Variants in FRAS1 observed in about 807,000 individuals in gnomAD.
FRAS1 encodes extracellular matrix organizing protein FRAS1.
A neutral mutation model predicts 435.2 loss-of-function variants in FRAS1; 290 were observed. The ratio of observed to expected loss-of-function variants is 0.67; its 90% confidence interval spans 0.61 to 0.73. The LOEUF (loss-of-function observed/expected upper bound fraction) is 0.73. FRAS1 is among the 30% of genes least tolerant of loss of function. The pLI is 0.00. For synonymous variants in FRAS1, 1,800 were observed against 1,851.0 expected (o/e 0.97, Z 0.71); for missense variants, 4,860 against 5,001.5 (o/e 0.97, Z 0.85).
chr4:78,071,986 T>C (rs1740375730), intron 2 of FRAS1: 1 of 152,056 alleles, frequency 6.6e-6, no homozygotes, highest in Non-Finnish European at 1.5e-5. Context: ...TCAACACAGT[T>C]ACAACACTAC....
Position 78,333,354 on chromosome 4 carries a change from T to A in FRAS1, c.2220T>A (p.Asp740Glu). ...TDCGPSHVLL[D>E]GQCLSQCPDG... Reference sequence around the variant, plus strand: ...GTGGGCCTTCCCATGTGCTGTTGGATGGGCAGTGCCTCTCCCAGTGCCCAG... The same window carrying A: ...GTGGGCCTTCCCATGTGCTGTTGGAAGGGCAGTGCCTCTCCCAGTGCCCAG... Residue 740 changes from aspartate to glutamate, a missense_variant, in exon 19 of 74, where the codon GAT (aspartate) becomes GAA (glutamate). Coordinates refer to ENST00000512123, the MANE Select transcript of FRAS1 (RefSeq NM_025074.7). The A allele has an allele frequency of 6.2e-7, 1 of 1,612,428 alleles. No homozygotes were observed. The highest frequency in any genetic ancestry group is 1.1e-5 in the South Asian group (1 of 90,436).
intron 70 of FRAS1, among the ~76,000 whole-genome samples, chr4:78,530,425 G>T (rs1721675225): frequency 6.6e-6 from 1 of 151,986 alleles, no homozygotes; most frequent in African/African-American, 2.4e-5. Flanking sequence ...ACTCCCCCAG[G>T]CTTAACCTTG....
chr4:78,319,712 T>G, intron 18 of FRAS1: 1 of 226,806 alleles, frequency 4.4e-6, no homozygotes, highest in Non-Finnish European at 9.0e-6. Flanking sequence ...TTCATATTCA[T>G]AGCTTTGTGT....
At chr4:78,066,253 G>A (rs916538016) in intron 2 of FRAS1, among the ~76,000 whole-genome samples, 1 of 152,136 alleles carries the variant, frequency 6.6e-6, no homozygotes, top group Non-Finnish European at 1.5e-5. Flanking sequence ...CTCAACACAC[G>A]ATTTACATTC....
chr4:78,384,024 G>A, intron 27 of FRAS1, 35 bp from the exon 28 acceptor site: 3 of 1,453,342 alleles, frequency 2.1e-6, no homozygotes, highest in Middle Eastern at 1.7e-4. Flanking sequence ...TGTAATGATT[G>A]TATTTTCTTA....
chr4:78,405,136 A>G (rs1733050702), intron 30 of FRAS1, among the ~76,000 whole-genome samples: 1 of 152,230 alleles, frequency 6.6e-6, no homozygotes, highest in Non-Finnish European at 1.5e-5. Context: ...AATCTGTATG[A>G]CATGAAAGTG....
chr4:78,444,318 C>G (rs1718707843), intron 41 of FRAS1: 1 of 231,412 alleles, frequency 4.3e-6, no homozygotes, highest in African/African-American at 2.4e-5. Context: ...GCTTAGACCT[C>G]TCTCAGCTTC....
At chr4:78,279,799 A>G (rs777982805) in intron 10 of FRAS1, among the ~76,000 whole-genome samples, 1 of 152,232 alleles carries the variant, frequency 6.6e-6, no homozygotes, top group Non-Finnish European at 1.5e-5. Flanking sequence ...CATAAAAACA[A>G]CTGCTTCTTT....
At chr4:78,058,298 C>T (rs1739574958) in intron 1 of FRAS1, among the ~76,000 whole-genome samples, 1 of 152,022 alleles carries the variant, frequency 6.6e-6, no homozygotes, top group Non-Finnish European at 1.5e-5. Context: ...GATTACACCC[C>T]CGAAACGGCC....
At chr4:78,214,600 C>T (rs994126415) in intron 2 of FRAS1, among the ~76,000 whole-genome samples, 2 of 152,220 alleles carry the variant, frequency 1.3e-5, no homozygotes, top group Non-Finnish European at 1.5e-5. Flanking sequence ...GGGTACCTCT[C>T]AGATTTATTG....
intron 2 of FRAS1, among the ~76,000 whole-genome samples, chr4:78,138,107 G>A (rs1237039161): frequency 3.3e-5 from 5 of 152,212 alleles, no homozygotes; most frequent in South Asian, 2.1e-4. Context: ...GTTTCAGGCC[G>A]AAGGGTGGGT....
chr4:78,466,294 C>T lies in FRAS1; in HGVS notation c.7116C>T (p.Thr2372=). 1 of 1,613,898 alleles carries T rather than the reference C, an allele frequency of 6.2e-7. No homozygotes were observed. The highest frequency in any genetic ancestry group is 8.5e-7 in the Non-Finnish European group (1 of 1,179,816). ...GCAATGGGCAGCATTTCCACCTCAC[C>T]TCCACCTTCACCATGAAAGATATCT... The part of the protein sequence containing the change: ...RTSNGQHFHL[T]STFTMKDIYQ... The change falls in exon 50 of 74, where the codon ACC becomes ACT. Residue 2372 remains threonine, a synonymous_variant. Coordinates refer to ENST00000512123, the MANE Select transcript of FRAS1 (RefSeq NM_025074.7).
chr4:78,370,107 A>G, intron 23 of FRAS1, 123 bp downstream of exon 23: 1 of 848,916 alleles, frequency 1.2e-6, no homozygotes, highest in Non-Finnish European at 1.8e-6. Flanking sequence ...CTCTGATGAT[A>G]GCAACAATTG....
chr4:78,462,208 C>T (rs1259224239), intron 47 of FRAS1, among the ~76,000 whole-genome samples: 1 of 152,116 alleles, frequency 6.6e-6, no homozygotes, highest in African/African-American at 2.4e-5. Flanking sequence ...AACCCAGTCT[C>T]TACTAAAAAT....
Position 78,333,266 on chromosome 4 carries a change from C to A in FRAS1, c.2138-6C>A. 1 of 1,599,680 alleles carries A rather than the reference C, an allele frequency of 6.3e-7. No individual in the cohort carries two copies. The highest frequency in any genetic ancestry group is 1.1e-5 in the South Asian group (1 of 88,258). ...GATTGTCTCCTTTGCTTTATCTTTC[C>A]CCCAGCTTGCCACCAGTCCTGTTTC... On this transcript the variant is annotated splice_region_variant and splice_polypyrimidine_tract_variant and intron_variant, in intron 18 of 73. Coordinates refer to ENST00000512123, the MANE Select transcript of FRAS1 (RefSeq NM_025074.7).
At chr4:78,377,972 G>C (rs896594147) in intron 26 of FRAS1, among the ~76,000 whole-genome samples, 4 of 152,028 alleles carry the variant, frequency 2.6e-5, no homozygotes, top group African/African-American at 4.8e-5. Flanking sequence ...CAATTCAGTG[G>C]TTTTTAGTGT....
intron 2 of FRAS1, among the ~76,000 whole-genome samples, chr4:78,207,085 G>A (rs1165805214): frequency 6.6e-6 from 1 of 152,242 alleles, no homozygotes. Flanking sequence ...AAGGACTGCA[G>A]TGAATACTGT....
In FRAS1 at chr4:78,534,290, C is replaced by T. The variant is rs1445568772; in HGVS notation, c.10926-159C>T. Among the ~76,000 whole-genome samples the T allele has an allele frequency of 3.3e-5, 5 of 152,120 alleles. No individual in the cohort carries two copies. In the South Asian group the frequency reaches 1.0e-3, roughly 32 times the overall value. ...AAAAGAAATAACTACCAAATAAAGT[C>T]CTTTTACCTTACACATCCCTTTATT... is the stretch of plus-strand genomic sequence containing the variant. On this transcript the variant is annotated intron_variant, in intron 70 of 73. Transcript: ENST00000512123.
In FRAS1 at chr4:78,491,676, A is replaced by G. The variant is rs192878360; in HGVS notation, c.8958+2596A>G. Among the ~76,000 whole-genome samples, 130 of 152,322 alleles carry G rather than the reference A, an allele frequency of 8.5e-4. 1 individual carries two copies. The Middle Eastern group carries it at 0.024, about 28-fold the overall frequency. ...CTCAAAATAACAAGAGCTATTTATG[A>G]CAAACCCACAGCCAATATCATATTG... On this transcript the variant is annotated intron_variant, in intron 59 of 73. Coordinates refer to ENST00000512123, the MANE Select transcript of FRAS1 (RefSeq NM_025074.7).
Sources: allele counts gnomAD v4.1 joint callset (sites outside exome capture counted in the v4.1 genomes callset), GRCh38; gene constraint gnomAD v4.1.1; transcripts MANE v1.5; gene names NCBI Gene and HGNC (gene_info 2026-07-23, HGNC 2026-07-21).